The following ZNF618 variants were observed in gnomAD, a reference collection of about 807,000 sequenced individuals.
The protein encoded by ZNF618 is neural precursor cell expressed, developmentally down-regulated 10.
Under a neutral mutation model 103.0 loss-of-function variants are expected in ZNF618, and 34 were observed. The observed-to-expected ratio is 0.33, with a 90% confidence interval of 0.25 to 0.44. The LOEUF (loss-of-function observed/expected upper bound fraction) is 0.44, where lower values mean the gene tolerates loss of function less well. Among genes scored for constraint, ZNF618 ranks in the 20% least tolerant of loss-of-function variants. The pLI is 1.00. For missense variants in ZNF618, 1,059 were observed against 1,295.4 expected (o/e 0.82, Z 2.80); for synonymous variants, 551 against 542.2 (o/e 1.02, Z -0.23).
intron 1 of ZNF618, among the ~76,000 whole-genome samples, chr9:113,933,224 G>C (rs117601828): frequency 0.033 from 5,009 of 152,284 alleles, 113 homozygotes; most frequent in Non-Finnish European, 0.046. Context: ...TGGGAACTGA[G>C]GTAGAGCCAG....
intron 13 of ZNF618, among the ~76,000 whole-genome samples, chr9:114,037,853 A>G (rs1362533128): frequency 6.6e-6 from 1 of 152,168 alleles, no homozygotes; most frequent in Non-Finnish European, 1.5e-5. Flanking sequence ...TGAACTTAAA[A>G]TCAGGACAGA....
chr9:113,916,997 G>C (rs138916599), intron 1 of ZNF618, among the ~76,000 whole-genome samples: 4 of 152,264 alleles, frequency 2.6e-5, no homozygotes, highest in South Asian at 2.1e-4. Flanking sequence ...ATCTTGTTCA[G>C]AAGGAAGAGG....
At chr9:114,022,553 A>G (rs1319144644) in intron 10 of ZNF618, among the ~76,000 whole-genome samples, 3 of 141,318 alleles carry the variant, frequency 2.1e-5, no homozygotes, top group African/African-American at 7.8e-5. Context: ...GATAAGTTTT[A>G]TGACCTACCT....
chr9:113,901,839 A>C (rs1415562110), intron 1 of ZNF618, among the ~76,000 whole-genome samples: 2 of 151,582 alleles, frequency 1.3e-5, no homozygotes, highest in Admixed American at 6.6e-5. Context: ...TCTCCGGACT[A>C]TTTCTGTTTT....
At chr9:113,961,690 A>T (rs814696) in intron 1 of ZNF618, among the ~76,000 whole-genome samples, 101,073 of 152,124 alleles carry the variant, frequency 0.66, 33,788 homozygotes, top group Admixed American at 0.71. Flanking sequence ...AGAGGCAAGG[A>T]CTAATTAGAG....
At chr9:114,041,555 A>G (rs1038977357) in intron 13 of ZNF618, among the ~76,000 whole-genome samples, 2 of 152,222 alleles carry the variant, frequency 1.3e-5, no homozygotes, top group Non-Finnish European at 2.9e-5. Context: ...ATGGCTAGCC[A>G]GTTTTCCCAG....
At chr9:113,886,971 CTTTTTTTTTTTTT>C (rs57000343) in intron 1 of ZNF618, among the ~76,000 whole-genome samples, 24 of 109,516 alleles carry the variant, frequency 2.2e-4, no homozygotes, top group African/African-American at 4.7e-4. Flanking sequence ...TTACTTTCTA[CTTTTTTTTTTTTT>C]TTTTTTTTTT....
chr9:113,903,677 T>G (rs1181953703), intron 1 of ZNF618, among the ~76,000 whole-genome samples: 1 of 152,176 alleles, frequency 6.6e-6, no homozygotes, highest in Non-Finnish European at 1.5e-5. Context: ...TTGAAAGATA[T>G]TTTTGCTAGC....
At position 114,048,739 on chromosome 9, in the gene ZNF618, C is replaced by T. The variant is rs370287825; in HGVS notation, c.1437C>T (p.Ala479=). The change falls in exon 15 of 15, where the codon GCC becomes GCT. Residue 479 remains alanine, a synonymous_variant. Transcript: ENST00000374126. ...IAERLLRVMC[A]DLGALSVVSG... ...AGCGGCTGTTGAGGGTCATGTGTGC[C>T]GACCTGGGTGCACTGAGCGTGGTCA... The T allele has an allele frequency of 3.0e-5, 48 of 1,613,880 alleles. No individual in the cohort carries two copies. The East Asian group carries it at 4.9e-4, about 16-fold the overall frequency.
intron 6 of ZNF618, among the ~76,000 whole-genome samples, chr9:114,006,551 C>T (rs1395121255): frequency 6.6e-6 from 1 of 152,200 alleles, no homozygotes; most frequent in Admixed American, 6.5e-5. Context: ...AGGGGATCAT[C>T]CAAACTCCAA....
intron 1 of ZNF618, among the ~76,000 whole-genome samples, chr9:113,899,201 G>T (rs1830299590): frequency 6.6e-6 from 1 of 151,670 alleles, no homozygotes; most frequent in Non-Finnish European, 1.5e-5. Flanking sequence ...GTACAGTTCA[G>T]TAATATGAAG....
At chr9:113,887,126 A>G (rs896119216) in intron 1 of ZNF618, among the ~76,000 whole-genome samples, 4 of 152,014 alleles carry the variant, frequency 2.6e-5, no homozygotes, top group Admixed American at 1.3e-4. Flanking sequence ...GGAGAGGGCA[A>G]GTGGCTTGCT....
chr9:113,988,987 C>T (rs1398504169), intron 3 of ZNF618, among the ~76,000 whole-genome samples: 1 of 152,188 alleles, frequency 6.6e-6, no homozygotes, highest in Non-Finnish European at 1.5e-5. Flanking sequence ...AGTACCCCAT[C>T]AGGATTGGAT....
intron 1 of ZNF618, among the ~76,000 whole-genome samples, chr9:113,947,689 C>T (rs1026254591): frequency 3.9e-5 from 6 of 152,164 alleles, no homozygotes; most frequent in Admixed American, 1.3e-4. Flanking sequence ...TGTATTTCCC[C>T]GAGGCCAGAC....
At chr9:114,030,419 A>G (rs1436543008) in intron 11 of ZNF618, among the ~76,000 whole-genome samples, 1 of 152,214 alleles carries the variant, frequency 6.6e-6, no homozygotes, top group East Asian at 1.9e-4. Flanking sequence ...CGTGGCTTTC[A>G]AATCTTGCTT....
chr9:113,989,749 C>A (rs1839848669), intron 3 of ZNF618, among the ~76,000 whole-genome samples: 1 of 152,204 alleles, frequency 6.6e-6, no homozygotes, highest in Non-Finnish European at 1.5e-5. Context: ...GTCCTGGTGC[C>A]TTTTCTTCCC....
rs1845872794 is a variant in ZNF618, at chr9:114,048,678, G to A, written c.1376G>A (p.Ser459Asn). 6.2e-7 allele frequency: 1 copy of A among 1,613,454 alleles called. No individual in the cohort carries two copies. The change falls in exon 15 of 15, where the codon AGC (serine) becomes AAC (asparagine). Residue 459 changes from serine (S) to asparagine (N), a missense_variant. Physicochemically the swap from Ser to Asn is conservative, Grantham distance 46 (BLOSUM62 1). This residue lies in a region of ZNF618 where 434 missense variants were observed against 476.0 expected (regional missense o/e 0.91). Coordinates refer to ENST00000374126, the MANE Select transcript of ZNF618 (RefSeq NM_001318042.2). Reference sequence around the variant, plus strand: ...ACTACCAGTGGTTTAACACCCAACAGCATGATCCCCGAAAAGGAGCGGCAG... The same window carrying A: ...ACTACCAGTGGTTTAACACCCAACAACATGATCCCCGAAAAGGAGCGGCAG... ...NTTTSGLTPN[S>N]MIPEKERQNI...
At chr9:114,046,945 A>T (rs1449834899) in intron 13 of ZNF618, among the ~76,000 whole-genome samples, 1 of 152,200 alleles carries the variant, frequency 6.6e-6, no homozygotes, top group Non-Finnish European at 1.5e-5. Flanking sequence ...ACAGGATCAC[A>T]ATTAGGCAGC....
At chr9:113,943,591 GA>G (rs1834741598) in intron 1 of ZNF618, among the ~76,000 whole-genome samples, 1 of 150,704 alleles carries the variant, frequency 6.6e-6, no homozygotes, top group Non-Finnish European at 1.5e-5. Context: ...CAGATCTTCT[GA>G]TTTTTTTTTT....
Sources: allele counts gnomAD v4.1 joint callset (sites outside exome capture counted in the v4.1 genomes callset), GRCh38; gene constraint gnomAD v4.1.1; regional missense constraint gnomAD v4.1.1; transcripts MANE v1.5; gene names NCBI Gene and HGNC (gene_info 2026-07-23, HGNC 2026-07-21).